The following CDH11 variants were observed in gnomAD, a reference collection of about 807,000 sequenced individuals.
CDH11 encodes cadherin-11.
CDH11 carries 11 observed loss-of-function variants against 67.8 expected under a neutral mutation model. The observed-to-expected ratio is 0.16, with a 90% CI of 0.10 to 0.27. The LOEUF is 0.27. CDH11 is among the 10% of genes least tolerant of loss of function. The pLI is 1.00. For missense variants in CDH11, 847 were observed against 1,031.2 expected (o/e 0.82, Z 2.45); for synonymous variants, 419 against 400.0 (o/e 1.05, Z -0.57).
At chr16:65,009,107 C>T (rs916828825) in intron 2 of CDH11, among the ~76,000 whole-genome samples, 5 of 152,120 alleles carry the variant, frequency 3.3e-5, no homozygotes, top group Non-Finnish European at 7.4e-5. Flanking sequence ...ACTTGTATTC[C>T]TACCCTCTAC....
At chr16:65,105,146 T>C (rs1044205364) in intron 1 of CDH11, among the ~76,000 whole-genome samples, 1 of 152,220 alleles carries the variant, frequency 6.6e-6, no homozygotes, top group African/African-American at 2.4e-5. Context: ...ACATAAAGCA[T>C]ACACTTCATA....
intron 1 of CDH11, among the ~76,000 whole-genome samples, chr16:65,119,896 A>T: frequency 6.6e-6 from 1 of 152,190 alleles, no homozygotes; most frequent in Non-Finnish European, 1.5e-5. Flanking sequence ...AAAAGCACTC[A>T]CATTCCTTTT....
chr16:65,043,554 G>A (rs2073903668), intron 2 of CDH11, among the ~76,000 whole-genome samples: 1 of 152,164 alleles, frequency 6.6e-6, no homozygotes, highest in Non-Finnish European at 1.5e-5. Context: ...TCCAATGTGA[G>A]CTGCCCTGGA....
At chr16:65,032,069 T>G (rs2073654024) in intron 2 of CDH11, among the ~76,000 whole-genome samples, 2 of 151,448 alleles carry the variant, frequency 1.3e-5, no homozygotes, top group African/African-American at 2.4e-5. Context: ...ATGGGGGAGG[T>G]GATGGAATAA....
In CDH11 at chr16:64,946,235, C is replaced by G; in HGVS notation, c.*1368G>C. The G allele has an allele frequency of 1.9e-6, 2 of 1,048,902 alleles. No homozygotes were observed. The highest frequency in any genetic ancestry group is 2.3e-6 in the Non-Finnish European group (2 of 869,038). 65.0% of individuals were successfully genotyped at this position (1,048,902 alleles called of 1,614,324 possible). A position where few individuals can be genotyped will look rare whatever the true frequency, so the allele number is the denominator to read the frequency against. The stretch of plus-strand genomic sequence containing the variant: ...TTAAAATTACAGGAGGAAAAATAAG[C>G]AGTTTCAACTATCAAGAGTCTTACA... On this transcript the variant is annotated 3_prime_UTR_variant, in exon 13 of 13. Coordinates refer to ENST00000268603, the MANE Select transcript of CDH11 (RefSeq NM_001797.4).
chr16:65,122,144 G>C, upstream of CDH11: 1 of 506,954 alleles, frequency 2.0e-6, no homozygotes, highest in South Asian at 2.2e-5. Context: ...GGCGGGGGGG[G>C]CGGGAGGAGG....
In CDH11 at chr16:64,984,346, TC is replaced by T. The variant is rs199600493; in HGVS notation, c.1000-2046del. ...TGACTGTACCAAGTGATCATATGCA[TC>T]CATCATTTTGACTGAATGAAGAGTG... On this transcript the variant is annotated intron_variant, in intron 7 of 12. Transcript: ENST00000268603. 2.2e-3 allele frequency among the ~76,000 whole-genome samples: 341 copies of T among 152,318 alleles called. 3 individuals carry two copies. The highest frequency in any genetic ancestry group is 7.5e-3 in the African/African-American group (313 of 41,576).
chr16:65,046,716 AC>A (rs2073967568), intron 2 of CDH11, among the ~76,000 whole-genome samples: 2 of 152,328 alleles, frequency 1.3e-5, no homozygotes, highest in South Asian at 4.1e-4. Flanking sequence ...TATTTGGGCA[AC>A]TTTTCTGTAG....
chr16:64,992,931 C>A lies in CDH11; in HGVS notation c.627G>T (p.Ser209=). 6.2e-7 allele frequency: 1 copy of A among 1,613,412 alleles called. No homozygotes were observed. Among genetic ancestry groups the A allele is most frequent in the East Asian group, 2.2e-5 (1 of 44,854 alleles). Residue 209 remains serine (S), a synonymous_variant, in exon 5 of 13, where the codon TCG becomes TCT. Transcript: ENST00000268603. The part of the protein sequence containing the change: ...YSILEGQPYF[S]VEAQTGIIRT... The stretch of plus-strand genomic sequence containing the variant: ...CCACAGTACCTGTCTGTGCTTCCAC[C>A]GAAAAATAGGGTTGTCCTTCGAGGA...
intron 2 of CDH11, among the ~76,000 whole-genome samples, chr16:65,025,268 G>A (rs979698333): frequency 6.6e-6 from 1 of 152,164 alleles, no homozygotes; most frequent in Non-Finnish European, 1.5e-5. Flanking sequence ...CATAATTTGG[G>A]TTACACAGGT....
At chr16:65,102,682 G>A (rs1457885529) in intron 1 of CDH11, among the ~76,000 whole-genome samples, 1 of 152,204 alleles carries the variant, frequency 6.6e-6, no homozygotes, top group Middle Eastern at 3.2e-3. Context: ...GCCCCATGAA[G>A]GGGCCATGTG....
At chr16:64,968,329 T>G in intron 11 of CDH11, 2 of 625,420 alleles carry the variant, frequency 3.2e-6, no homozygotes, top group Non-Finnish European at 4.0e-6. Context: ...AGGAGAGATA[T>G]TATCTCAGTC....
At position 64,947,565 on chromosome 16, in the gene CDH11, C is replaced by A; in HGVS notation, c.*38G>T. On this transcript the variant is annotated 3_prime_UTR_variant, in exon 13 of 13. Transcript: ENST00000268603. ...ACATCTTCTAGATTCTTGAGAACGC[C>A]AGACACAGTTCTTAAGGCCAAATTT... 1 of 1,575,278 alleles carries A rather than the reference C, an allele frequency of 6.3e-7. No homozygotes were observed.
chr16:65,045,934 T>C (rs2073954817), intron 2 of CDH11, among the ~76,000 whole-genome samples: 1 of 152,098 alleles, frequency 6.6e-6, no homozygotes, highest in Admixed American at 6.5e-5. Context: ...AGGAATTATT[T>C]GATGAGTTAG....
chr16:65,083,340 A>T (rs2074643961), intron 1 of CDH11, among the ~76,000 whole-genome samples: 1 of 152,234 alleles, frequency 6.6e-6, no homozygotes, highest in Non-Finnish European at 1.5e-5. Flanking sequence ...GGAAAGAAGG[A>T]CGTGAGAGCA....
chr16:64,947,612 G>A lies in CDH11; in HGVS notation c.2382C>T (p.Asp794=), dbSNP rs377222713. The stretch of plus-strand genomic sequence containing the variant: ...ATTTGTATCGTTATTGTTAAGAATC[G>A]TCATCAAAAGTGTCTTTGGAACCAT... ...DLYGSKDTFD[D]DS The change falls in exon 13 of 13, where the codon GAC becomes GAT. Residue 794 remains aspartate, a synonymous_variant. Coordinates refer to ENST00000268603, the MANE Select transcript of CDH11 (RefSeq NM_001797.4). 257 of 1,604,778 alleles carry A rather than the reference G, an allele frequency of 1.6e-4. 1 individual carries two copies. The highest frequency in any genetic ancestry group is 6.6e-4 in the Middle Eastern group (4 of 6,018).
chr16:65,013,960 A>G (rs1322788963), intron 2 of CDH11, among the ~76,000 whole-genome samples: 1 of 152,224 alleles, frequency 6.6e-6, no homozygotes, highest in African/African-American at 2.4e-5. Flanking sequence ...TATAAAGTCT[A>G]TGAAGGCGGG....
chr16:65,038,738 T>C (rs542088527), intron 2 of CDH11, among the ~76,000 whole-genome samples: 1 of 152,234 alleles, frequency 6.6e-6, no homozygotes, highest in Admixed American at 6.5e-5. Flanking sequence ...AGAAAACACC[T>C]TGGACACTTG....
Position 65,021,569 on chromosome 16 carries a change from C to CACACATAT in CDH11, c.-172-16529_-172-16528insATATGTGT, listed in dbSNP as rs4048808. Among the ~76,000 whole-genome samples the CACACATAT allele has an allele frequency of 6.6e-3, 915 of 139,016 alleles. 8 individuals are homozygous for CACACATAT. The highest frequency in any genetic ancestry group is 0.035 in the Middle Eastern group (9 of 260). The allele number at this position is 139,016 out of a possible 152,430, so 91.2% of individuals were successfully genotyped here. ...AGCCATTTAAATACACACACACACA[C>CACACATAT]ATATATATATATATATATATTAGTT... On this transcript the variant is annotated intron_variant, in intron 2 of 12. Coordinates refer to ENST00000268603, the MANE Select transcript of CDH11 (RefSeq NM_001797.4).
Sources: allele counts gnomAD v4.1 joint callset (sites outside exome capture counted in the v4.1 genomes callset), GRCh38; gene constraint gnomAD v4.1.1; transcripts MANE v1.5; gene names NCBI Gene and HGNC (gene_info 2026-07-23, HGNC 2026-07-21).